Variants in KDM4C observed in about 807,000 individuals in gnomAD.
The protein encoded by KDM4C is lysine-specific demethylase 4C.
Under a neutral mutation model 129.3 loss-of-function variants are expected in KDM4C, and 81 were observed. The ratio of observed to expected loss-of-function variants is 0.63; its 90% CI spans 0.52 to 0.75. KDM4C has a LOEUF of 0.75. Among genes scored for constraint, KDM4C ranks in the 30% least tolerant of loss-of-function variants. The pLI, the probability that KDM4C is intolerant of heterozygous loss-of-function variation, is 0.00. For synonymous variants in KDM4C, 573 were observed against 456.1 expected, an observed-to-expected ratio of 1.26 and a Z score of -3.26; for missense variants, 1,457 against 1,304.0, an observed-to-expected ratio of 1.12 and a Z score of -1.81.
At chr9:6,830,976 G>T (rs1191371373) in intron 4 of KDM4C, among the ~76,000 whole-genome samples, 1 of 152,156 alleles carries the variant, frequency 6.6e-6, no homozygotes, top group Non-Finnish European at 1.5e-5. Context: ...ATTTAAACTG[G>T]GATTTTCCAG....
intron 1 of KDM4C, among the ~76,000 whole-genome samples, chr9:6,745,554 C>T (rs902199166): frequency 7.3e-5 from 10 of 137,850 alleles, no homozygotes; most frequent in African/African-American, 1.9e-4. Flanking sequence ...GGCACCTCTG[C>T]GCAAGAGAAT....
chr9:6,856,956 A>C (rs1839972472), intron 5 of KDM4C, among the ~76,000 whole-genome samples: 1 of 151,786 alleles, frequency 6.6e-6, no homozygotes, highest in Admixed American at 6.6e-5. Context: ...ACGGGGTTTC[A>C]CCGTGTTAGC....
intron 2 of KDM4C, among the ~76,000 whole-genome samples, 155 bp from the exon 3 acceptor site, chr9:6,805,444 G>A (rs912135535): frequency 5.4e-5 from 8 of 149,108 alleles, no homozygotes; most frequent in Admixed American, 2.7e-4. Flanking sequence ...ACATCATATT[G>A]CTTTATTGCA....
chr9:6,989,110 T>C (rs543887594), intron 11 of KDM4C, among the ~76,000 whole-genome samples: 1 of 152,256 alleles, frequency 6.6e-6, no homozygotes, highest in Non-Finnish European at 1.5e-5. Context: ...GGCTGTGTTA[T>C]AATTTCCCAT....
intron 19 of KDM4C, among the ~76,000 whole-genome samples, chr9:7,146,494 G>A (rs1300050564): frequency 6.6e-6 from 1 of 152,096 alleles, no homozygotes. Flanking sequence ...CTGGAATATA[G>A]GAACCATATA....
intron 19 of KDM4C, among the ~76,000 whole-genome samples, chr9:7,164,601 C>T (rs1045708759): frequency 1.7e-4 from 26 of 152,176 alleles, no homozygotes; most frequent in East Asian, 3.9e-4. Context: ...CACCCAGCTC[C>T]ACCCGCCGTG....
intron 8 of KDM4C, among the ~76,000 whole-genome samples, chr9:6,973,482 G>C (rs1021784029): frequency 6.6e-6 from 1 of 152,218 alleles, no homozygotes; most frequent in Non-Finnish European, 1.5e-5. Context: ...CATGTAATCA[G>C]AGTACATGGA....
intron 5 of KDM4C, among the ~76,000 whole-genome samples, chr9:6,872,255 A>G (rs10815472): frequency 0.5 from 76,069 of 151,868 alleles, 19,222 homozygotes; most frequent in Middle Eastern, 0.62. Context: ...TTGAAATTGG[A>G]GTGATACTGC....
At chr9:6,863,661 T>G (rs1470115763) in intron 5 of KDM4C, among the ~76,000 whole-genome samples, 2 of 151,824 alleles carry the variant, frequency 1.3e-5, no homozygotes, top group Non-Finnish European at 1.5e-5. Flanking sequence ...CCAGGCGTGG[T>G]GGCGGGCGCC....
At chr9:7,122,937 T>C (rs1381201279) in intron 18 of KDM4C, among the ~76,000 whole-genome samples, 1 of 152,232 alleles carries the variant, frequency 6.6e-6, no homozygotes, top group Non-Finnish European at 1.5e-5. Context: ...AATGACATTC[T>C]TAACATCAAT....
intron 15 of KDM4C, among the ~76,000 whole-genome samples, chr9:7,021,543 T>A (rs1563997036): frequency 6.6e-6 from 1 of 152,230 alleles, no homozygotes; most frequent in Non-Finnish European, 1.5e-5. Flanking sequence ...TTTGAGTTCC[T>A]TTTATATTCT....
At chr9:6,843,009 A>G (rs1837248111) in intron 4 of KDM4C, among the ~76,000 whole-genome samples, 1 of 152,080 alleles carries the variant, frequency 6.6e-6, no homozygotes, top group African/African-American at 2.4e-5. Flanking sequence ...GGCTTACTGT[A>G]ACTTCCACCG....
intron 15 of KDM4C, among the ~76,000 whole-genome samples, chr9:7,032,856 G>A (rs565334298): frequency 2.0e-5 from 3 of 152,262 alleles, no homozygotes; most frequent in African/African-American, 7.2e-5. Context: ...CTAACTTCTG[G>A]CGTTACTGGT....
In KDM4C at chr9:7,015,929, A is replaced by G. The variant is rs761636614; in HGVS notation, c.2259A>G (p.Ala753=). The change falls in exon 15 of 22, where the codon GCA becomes GCG. Residue 753 remains alanine, a splice_region_variant and synonymous_variant. Coordinates refer to ENST00000381309, the MANE Select transcript of KDM4C (RefSeq NM_015061.6). ...GGTGCAAAAGAAATGCGTGGACAGC[A>G]GTAAGTAGCTTATTTTAGTATTGCT... ...CARCKRNAWT[A]ECCLCNLRGG... 3 of 1,608,130 alleles carry G rather than the reference A, an allele frequency of 1.9e-6. No homozygotes were observed. Among genetic ancestry groups the G allele is most frequent in the South Asian group, 1.1e-5 (1 of 90,728 alleles).
chr9:6,897,515 G>A (rs866985230), intron 8 of KDM4C, among the ~76,000 whole-genome samples: 3 of 152,174 alleles, frequency 2.0e-5, no homozygotes, highest in Non-Finnish European at 4.4e-5. Context: ...AGGCAGTTGT[G>A]TAATTTTCCC....
chr9:6,887,763 A>T lies in KDM4C; in HGVS notation c.680-197A>T, dbSNP rs540317340. 2.6e-5 allele frequency among the ~76,000 whole-genome samples: 4 copies of T among 152,194 alleles called. No individual in the cohort carries two copies. The East Asian group carries it at 7.7e-4, about 29-fold the overall frequency. On this transcript the variant is annotated intron_variant, in intron 6 of 21. Coordinates refer to ENST00000381309, the MANE Select transcript of KDM4C (RefSeq NM_015061.6). ...GTAAATCTGTTTGTAAAGAAGATCAACCTTTGGTGATGTATCCTTTAATTT... is the reference window on the plus strand; with the variant it reads ...GTAAATCTGTTTGTAAAGAAGATCATCCTTTGGTGATGTATCCTTTAATTT...
At chr9:6,848,347 C>G (rs1055473899) in intron 4 of KDM4C, among the ~76,000 whole-genome samples, 2 of 152,092 alleles carry the variant, frequency 1.3e-5, no homozygotes, top group Non-Finnish European at 2.9e-5. Context: ...GTAAAAATTT[C>G]TAAGCAGTTG....
At chr9:7,150,696 T>C (rs1266628458) in intron 19 of KDM4C, among the ~76,000 whole-genome samples, 1 of 152,170 alleles carries the variant, frequency 6.6e-6, no homozygotes, top group Non-Finnish European at 1.5e-5. Flanking sequence ...GCAGGCCCTT[T>C]TGGGTGTGGT....
chr9:7,029,897 A>G (rs1248067342), intron 15 of KDM4C, among the ~76,000 whole-genome samples: 1 of 152,188 alleles, frequency 6.6e-6, no homozygotes, highest in African/African-American at 2.4e-5. Flanking sequence ...CTATGGTGTC[A>G]TTGTTTATTG....
Sources: gnomAD v4.1 joint callset for allele counts (sites outside exome capture counted in the v4.1 genomes callset) on GRCh38, gnomAD v4.1.1 for gene constraint, MANE v1.5 for transcripts, NCBI Gene and HGNC (gene_info 2026-07-23, HGNC 2026-07-21) for gene names.